ASIC2: variants seen among roughly 807,000 people sequenced by gnomAD.
ASIC2 encodes the protein acid-sensing ion channel 2.
Under a neutral mutation model 57.3 loss-of-function variants are expected in ASIC2, and 25 were observed. That is an observed-to-expected ratio of 0.44 (90% CI 0.32 to 0.61). The LOEUF (loss-of-function observed/expected upper bound fraction) is 0.61, where lower values mean the gene tolerates loss of function less well. ASIC2 is among the 20% of genes least tolerant of loss of function. The pLI, the probability that ASIC2 is intolerant of heterozygous loss-of-function variation, is 0.06. For missense variants in ASIC2, 641 were observed against 738.1 expected, an observed-to-expected ratio of 0.87 and a Z score of 1.52; for synonymous variants, 319 against 307.5, an observed-to-expected ratio of 1.04 and a Z score of -0.39.
intron 1 of ASIC2, among the ~76,000 whole-genome samples, chr17:33,355,159 C>T (rs542815813): frequency 6.6e-6 from 1 of 152,210 alleles, no homozygotes; most frequent in Admixed American, 6.5e-5. Context: ...ATGGTGAAAC[C>T]CCAACTCTAC....
intron 1 of ASIC2, among the ~76,000 whole-genome samples, chr17:33,374,569 G>T: frequency 6.6e-6 from 1 of 152,192 alleles, no homozygotes; most frequent in East Asian, 1.9e-4. Flanking sequence ...CATGGTTGGC[G>T]TTATGTCAAT....
intron 1 of ASIC2, among the ~76,000 whole-genome samples, chr17:33,977,422 G>C (rs1430327099): frequency 6.6e-6 from 1 of 152,204 alleles, no homozygotes; most frequent in Non-Finnish European, 1.5e-5. Context: ...TTTTGCAAAA[G>C]TGAACATCAA....
intron 1 of ASIC2, among the ~76,000 whole-genome samples, chr17:33,764,327 A>AG (rs1006004854): frequency 4.6e-5 from 7 of 151,978 alleles, no homozygotes; most frequent in Admixed American, 4.6e-4. Context: ...AAAAAAAAAA[A>AG]AAAAAGGCTT....
intron 1 of ASIC2, among the ~76,000 whole-genome samples, chr17:34,010,752 C>A (rs72822905): frequency 6.6e-6 from 1 of 151,594 alleles, no homozygotes; most frequent in Non-Finnish European, 1.5e-5. Flanking sequence ...TACAAACACT[C>A]AGACCCATAG....
chr17:33,408,255 C>A (rs576644292), intron 1 of ASIC2, among the ~76,000 whole-genome samples: 2 of 152,294 alleles, frequency 1.3e-5, no homozygotes, highest in African/African-American at 4.8e-5. Flanking sequence ...CTTTCCTTTT[C>A]TGTTCTGATT....
intron 1 of ASIC2, among the ~76,000 whole-genome samples, chr17:33,392,183 CTT>C: frequency 6.7e-5 from 1 of 14,822 alleles, no homozygotes; most frequent in Non-Finnish European, 1.7e-4. Flanking sequence ...TCCTTCCTTC[CTT>C]CCTTCCTTCC....
chr17:34,082,536 C>T (rs928506083), intron 1 of ASIC2, among the ~76,000 whole-genome samples: 1 of 152,184 alleles, frequency 6.6e-6, no homozygotes, highest in Non-Finnish European at 1.5e-5. Flanking sequence ...GCTCCTTTTG[C>T]CTTGGACTGA....
rs3071169 is a variant in ASIC2 at position 34,095,607 on chromosome 17, T to TTATATATA, written c.555+60363_555+60370dup. Reference sequence around the variant, plus strand: ...AGAGTTGGGGAGAAGCAGGCAAATTTTATATATATATATATATATATAATT... The same window carrying TTATATATA: ...AGAGTTGGGGAGAAGCAGGCAAATTTTATATATATATATATATATATATATATATAATT... On this transcript the variant is annotated intron_variant, in intron 1 of 9. Coordinates refer to the ASIC2 transcript ENST00000359872. 1.0e-3 allele frequency among the ~76,000 whole-genome samples: 100 copies of TTATATATA among 96,116 alleles called. 1 individual carries two copies. The highest frequency in any genetic ancestry group is 1.4e-3 in the Non-Finnish European group (73 of 53,120). 63.1% of individuals were successfully genotyped at this position (96,116 alleles called of 152,430 possible).
chr17:33,719,842 G>A (rs1909333865), intron 1 of ASIC2, among the ~76,000 whole-genome samples: 1 of 152,200 alleles, frequency 6.6e-6, no homozygotes, highest in Non-Finnish European at 1.5e-5. Flanking sequence ...TGGCCGCACA[G>A]CGAGAATGAA....
At chr17:33,810,817 C>T (rs544614521) in intron 1 of ASIC2, among the ~76,000 whole-genome samples, 2 of 151,768 alleles carry the variant, frequency 1.3e-5, no homozygotes, top group African/African-American at 2.4e-5. Flanking sequence ...CATGTGGCAC[C>T]CTTAATAGGT....
intron 1 of ASIC2, among the ~76,000 whole-genome samples, chr17:33,470,353 G>A (rs966883098): frequency 6.6e-6 from 1 of 152,188 alleles, no homozygotes; most frequent in African/African-American, 2.4e-5. Flanking sequence ...GGAGCCCTGG[G>A]CATGGGACCT....
At chr17:33,940,709 C>T (rs1916171236) in intron 1 of ASIC2, among the ~76,000 whole-genome samples, 1 of 152,232 alleles carries the variant, frequency 6.6e-6, no homozygotes, top group Non-Finnish European at 1.5e-5. Context: ...AATCACAATA[C>T]ACAAATCTTT....
chr17:33,243,985 G>A (rs1334325980), intron 1 of ASIC2, among the ~76,000 whole-genome samples: 1 of 152,156 alleles, frequency 6.6e-6, no homozygotes, highest in Non-Finnish European at 1.5e-5. Flanking sequence ...TCAATCCTGG[G>A]ATGAATTCAA....
intron 1 of ASIC2, among the ~76,000 whole-genome samples, chr17:33,408,143 A>G (rs1337608041): frequency 6.6e-6 from 1 of 152,220 alleles, no homozygotes; most frequent in Non-Finnish European, 1.5e-5. Flanking sequence ...CATGCAGGAG[A>G]TGCTGGTGGG....
chr17:34,009,887 C>T (rs1352037044), intron 1 of ASIC2, among the ~76,000 whole-genome samples: 1 of 152,208 alleles, frequency 6.6e-6, no homozygotes, highest in Admixed American at 6.5e-5. Context: ...GGGAGGGGTG[C>T]ATGAGGAGCT....
intron 1 of ASIC2, among the ~76,000 whole-genome samples, chr17:33,200,353 T>C (rs961447036): frequency 6.6e-6 from 1 of 152,174 alleles, no homozygotes; most frequent in Non-Finnish European, 1.5e-5. Context: ...AAACAATCTG[T>C]ATGCTGAGGA....
chr17:33,054,855 G>T (rs540306652), intron 3 of ASIC2, among the ~76,000 whole-genome samples: 49 of 152,334 alleles, frequency 3.2e-4, no homozygotes, highest in Admixed American at 8.5e-4. Context: ...CTTGCAACTT[G>T]TTACACGGTT....
chr17:33,014,973 C>T (rs1003430619), intron 9 of ASIC2, among the ~76,000 whole-genome samples: 10 of 152,200 alleles, frequency 6.6e-5, no homozygotes, highest in African/African-American at 2.2e-4. Context: ...AGGCACACAG[C>T]CAGGAAGCCG....
intron 1 of ASIC2, among the ~76,000 whole-genome samples, chr17:34,121,353 G>A (rs1430079463): frequency 6.6e-6 from 1 of 152,112 alleles, no homozygotes; most frequent in African/African-American, 2.4e-5. Context: ...CCAAACACTG[G>A]AAAGGAACTT....
Sources: allele counts gnomAD v4.1 joint callset (sites outside exome capture counted in the v4.1 genomes callset), GRCh38; gene constraint gnomAD v4.1.1; transcripts MANE v1.5; gene names NCBI Gene and HGNC (gene_info 2026-07-23, HGNC 2026-07-21).